The following EXOC7 variants were observed in gnomAD, a reference collection of about 807,000 sequenced individuals.
EXOC7 encodes exocyst complex component Exo70.
In EXOC7, 51 loss-of-function variants were observed where a neutral mutation model predicts 87.6. That is an observed-to-expected ratio of 0.58 (90% CI 0.46 to 0.73). The LOEUF is 0.73. EXOC7 is among the 30% of genes least tolerant of loss of function. The pLI, the probability that EXOC7 is intolerant of heterozygous loss-of-function variation, is 0.00. For synonymous variants in EXOC7, 327 were observed against 357.1 expected (o/e 0.92, Z 0.95); for missense variants, 744 against 888.4 (o/e 0.84, Z 2.07).
chr17:76,087,699 G>A lies in EXOC7; in HGVS notation c.1384C>T (p.Leu462Phe). 1 of 1,551,422 alleles carries A rather than the reference G, an allele frequency of 6.4e-7. No individual in the cohort carries two copies. Reference sequence around the variant, plus strand: ...CCTGCCGTCTCCTGGAAGTCCAAAAGCTGCTGCAGGAAGAGGATGGCCTGG... The same window carrying A: ...CCTGCCGTCTCCTGGAAGTCCAAAAACTGCTGCAGGAAGAGGATGGCCTGG... ...TSNAILFLQQLLDFQETAGAM... is the reference protein window; with the variant it reads ...TSNAILFLQQFLDFQETAGAM... Residue 462 changes from leucine to phenylalanine, a missense_variant, in exon 12 of 19, where the codon CTT (leucine) becomes TTT (phenylalanine). Leu to Phe is a conservative substitution (Grantham distance 22). Transcript: ENST00000589210.
chr17:76,092,300 T>TG (rs2067529154), intron 6 of EXOC7: 1 of 147,926 alleles, frequency 6.8e-6, no homozygotes, highest in Admixed American at 6.7e-5. Context: ...TGTTTTTTTT[T>TG]TTTTTTTTTT....
rs569939122 is a variant in EXOC7 at position 76,087,738 on chromosome 17, G to A, written c.1363-18C>T. 127 of 1,550,488 alleles carry A rather than the reference G, an allele frequency of 8.2e-5. 2 individuals carry two copies. The South Asian group carries it at 1.1e-3, about 14-fold the overall frequency. On this transcript the variant is annotated intron_variant, in intron 11 of 18. Coordinates refer to ENST00000589210, the MANE Select transcript of EXOC7 (RefSeq NM_001013839.4). ...AGGATGGCCTGGGTGGGAAGAAAAC[G>A]GTGCAGAAGGGCAAGTGGCAGGCCC...
intron 4 of EXOC7, among the ~76,000 whole-genome samples, chr17:76,099,651 A>T (rs1242148247): frequency 6.6e-6 from 1 of 152,258 alleles, no homozygotes; most frequent in East Asian, 1.9e-4. Context: ...TAAGTGAAAG[A>T]GGCCAGTCAC....
At chr17:76,087,160 G>A (rs2067248889) in intron 12 of EXOC7, 4 of 460,990 alleles carry the variant, frequency 8.7e-6, no homozygotes, top group South Asian at 6.8e-5. Flanking sequence ...GGGAGGAGAG[G>A]GCCCAGGGAC....
At position 76,082,338 on chromosome 17, in the gene EXOC7, A is replaced by C. The variant is rs2067017476; in HGVS notation, c.*1310T>G. 8.9e-7 allele frequency: 1 copy of C among 1,119,572 alleles called. No individual in the cohort carries two copies. Among genetic ancestry groups the C allele is most frequent in the Non-Finnish European group, 1.3e-6 (1 of 796,802 alleles). The allele number at this position is 1,119,572 out of a possible 1,614,324, so 69.4% of individuals were successfully genotyped here. On this transcript the variant is annotated 3_prime_UTR_variant, in exon 19 of 19. Coordinates refer to ENST00000589210, the MANE Select transcript of EXOC7 (RefSeq NM_001013839.4). ...GATGGCCTGAAATGGGCCAGACCCA[A>C]ATTTTCATCAGCTGAGAATCTAAGA... is the stretch of plus-strand genomic sequence containing the variant.
chr17:76,084,925 A>C (rs1467810243), intron 15 of EXOC7, among the ~76,000 whole-genome samples: 2 of 152,200 alleles, frequency 1.3e-5, no homozygotes, highest in Admixed American at 1.3e-4. Flanking sequence ...TTCAAAGGGA[A>C]GAAACAAAGC....
At position 76,089,288 on chromosome 17, in the gene EXOC7, C is replaced by T; in HGVS notation, c.934G>A (p.Ala312Thr). Residue 312 changes from alanine to threonine, a missense_variant, in exon 8 of 19, where the codon GCC (alanine) becomes ACC (threonine). Physicochemically the swap from Ala to Thr is moderately conservative, Grantham distance 58 (BLOSUM62 0). This residue lies in a region of EXOC7 where 512 missense variants were observed against 573.0 expected (regional missense o/e 0.89). Transcript: ENST00000589210. ...RDDMLDVETD[A>T]YIHCVSAFVK... is the part of the protein sequence containing the mutation. ...AAGGCACTGACGCAGTGGATGTAGG[C>T]ATCGGTCTCCACGTCCAGCATGTCA... is the stretch of plus-strand genomic sequence containing the variant. The T allele has an allele frequency of 6.2e-7, 1 of 1,614,120 alleles. No individual in the cohort carries two copies. The highest frequency in any genetic ancestry group is 1.1e-5 in the South Asian group (1 of 91,088).
At chr17:76,098,725 G>A (rs890785398) in intron 4 of EXOC7, among the ~76,000 whole-genome samples, 7 of 151,656 alleles carry the variant, frequency 4.6e-5, no homozygotes, top group African/African-American at 1.7e-4. Flanking sequence ...AATTAGCCGG[G>A]CGTGGTGGTG....
intron 7 of EXOC7, chr17:76,089,542 G>A (rs1431840318): frequency 2.5e-5 from 15 of 589,432 alleles, no homozygotes; most frequent in African/African-American, 2.2e-4. Context: ...CTTCATTCTC[G>A]GCTCTGCGCA....
In EXOC7 at chr17:76,081,220, A is replaced by C. The variant is rs113914389; in HGVS notation, c.*2428T>G. ...CCCTGGGCTCCAGTCTGCTACCCCCAGACTTGGCAGCTGGGATCTCTCCTT... is the reference window on the plus strand; with the variant it reads ...CCCTGGGCTCCAGTCTGCTACCCCCCGACTTGGCAGCTGGGATCTCTCCTT... On this transcript the variant is annotated 3_prime_UTR_variant, in exon 19 of 19. Transcript: ENST00000589210. The C allele has an allele frequency of 5.5e-4, 875 of 1,604,228 alleles. 8 individuals are homozygous for C. Among genetic ancestry groups the C allele is most frequent in the Middle Eastern group, 3.5e-3 (16 of 4,564 alleles).
chr17:76,089,570 C>A, intron 7 of EXOC7: 1 of 557,298 alleles, frequency 1.8e-6, no homozygotes, highest in Non-Finnish European at 3.2e-6. Context: ...GGATCAGACA[C>A]CAGAGGCAGG....
At position 76,101,531 on chromosome 17, in the gene EXOC7, G is replaced by A. The variant is rs190231757; in HGVS notation, c.311+148C>T. 222 of 1,325,582 alleles carry A rather than the reference G, an allele frequency of 1.7e-4. 2 individuals carry two copies. The South Asian group carries it at 2.5e-3, about 15-fold the overall frequency. 82.1% of individuals were successfully genotyped at this position (1,325,582 alleles called of 1,614,324 possible). On this transcript the variant is annotated intron_variant, in intron 3 of 18. Coordinates refer to ENST00000589210, the MANE Select transcript of EXOC7 (RefSeq NM_001013839.4). The stretch of plus-strand genomic sequence containing the variant: ...TTTTAAGGCCTAGGGCTTAAAAGGC[G>A]TCTCACTGTGTTGTCCAGACTGGTC...
At chr17:76,086,691 C>T (rs2144606126) in intron 12 of EXOC7, among the ~76,000 whole-genome samples, 1 of 152,206 alleles carries the variant, frequency 6.6e-6, no homozygotes, top group Non-Finnish European at 1.5e-5. Flanking sequence ...AGCTCAGAGA[C>T]AGAGTGGCCT....
In EXOC7 at chr17:76,101,752, T is replaced by C. The variant is rs763440231; in HGVS notation, c.238A>G (p.Thr80Ala). The change falls in exon 3 of 19, where the codon ACG becomes GCG. Residue 80 changes from threonine to alanine, a missense_variant. Coordinates refer to ENST00000589210, the MANE Select transcript of EXOC7 (RefSeq NM_001013839.4). ...LQRLQENVEK[T>A]LSCLDHVISY... ...ATGACATGGTCCAGGCAGGACAGCG[T>C]CTTCTCAACATTCTCCTGCAGCCGC... 9 of 1,614,138 alleles carry C rather than the reference T, an allele frequency of 5.6e-6. 1 individual carries two copies. The highest frequency in any genetic ancestry group is 6.8e-6 in the Non-Finnish European group (8 of 1,180,030).
intron 2 of EXOC7, among the ~76,000 whole-genome samples, chr17:76,102,796 A>C (rs1236258087): frequency 6.6e-6 from 1 of 152,186 alleles, no homozygotes; most frequent in Non-Finnish European, 1.5e-5. Flanking sequence ...AGTCGCATGC[A>C]TTAGCGCATA....
rs1335705450 is a variant in EXOC7 at position 76,089,163 on chromosome 17, G to T, written c.1047+12C>A. ...TGGGGCTGGCTGCAGAGCCCCCGGG[G>T]CGGGGCGGGACCTGTATCAGGGAGT... On this transcript the variant is annotated intron_variant, in intron 8 of 18. Coordinates refer to ENST00000589210, the MANE Select transcript of EXOC7 (RefSeq NM_001013839.4). The T allele has an allele frequency of 1.2e-6, 2 of 1,612,220 alleles. No homozygotes were observed. The highest frequency in any genetic ancestry group is 1.7e-6 in the Non-Finnish European group (2 of 1,179,792).
chr17:76,091,103 T>C (rs1384672390), intron 7 of EXOC7, 40 bp downstream of exon 7: 19 of 1,560,238 alleles, frequency 1.2e-5, no homozygotes, highest in Admixed American at 1.7e-5. Flanking sequence ...GGACACACAG[T>C]GGAGGAGGAA....
In EXOC7 at chr17:76,081,406, A is replaced by C; in HGVS notation, c.*2242T>G. 1 of 1,614,076 alleles carries C rather than the reference A, an allele frequency of 6.2e-7. No individual in the cohort carries two copies. Among genetic ancestry groups the C allele is most frequent in the East Asian group, 2.2e-5 (1 of 44,876 alleles). ...GGTGCCCTGCTTCCAGGTGACGGTG[A>C]GTCAAGTCGGGAGGAGGCCGACAGA... On this transcript the variant is annotated 3_prime_UTR_variant, in exon 19 of 19. Transcript: ENST00000589210.
chr17:76,099,984 C>A (rs771193530), intron 4 of EXOC7, among the ~76,000 whole-genome samples: 17 of 152,212 alleles, frequency 1.1e-4, no homozygotes, highest in Admixed American at 5.2e-4. Flanking sequence ...TGCCTGTGGG[C>A]CCAGCTACTT....
Sources: allele counts gnomAD v4.1 joint callset (sites outside exome capture counted in the v4.1 genomes callset), GRCh38; gene constraint gnomAD v4.1.1; regional missense constraint gnomAD v4.1.1; transcripts MANE v1.5; gene names NCBI Gene and HGNC (gene_info 2026-07-23, HGNC 2026-07-21).